Variants in GALNTL6 observed in about 807,000 individuals in gnomAD.
The protein encoded by GALNTL6 is polypeptide N-acetylgalactosaminyltransferase like 6, also known as polypeptide N-acetylgalactosaminyltransferase-like 6.
Under a neutral mutation model 73.7 loss-of-function variants are expected in GALNTL6, and 46 were observed. That is an observed-to-expected ratio of 0.62 (90% CI 0.49 to 0.80). The LOEUF is 0.80. Ranked by LOEUF, GALNTL6 falls within the 30% of genes least tolerant of loss-of-function variation. The pLI, the probability that GALNTL6 is intolerant of heterozygous loss-of-function variation, is 0.00. For missense variants in GALNTL6, 604 were observed against 755.0 expected (o/e 0.80, Z 2.34); for synonymous variants, 259 against 263.7 (o/e 0.98, Z 0.17).
chr4:172,520,135 C>G (rs1183871730), intron 5 of GALNTL6, among the ~76,000 whole-genome samples: 1 of 151,790 alleles, frequency 6.6e-6, no homozygotes, highest in Admixed American at 6.6e-5. Flanking sequence ...TGTACAACAA[C>G]CCACTGTGGC....
chr4:172,105,095 A>T (rs1266189629), intron 2 of GALNTL6, among the ~76,000 whole-genome samples: 1 of 152,192 alleles, frequency 6.6e-6, no homozygotes, highest in Non-Finnish European at 1.5e-5. Flanking sequence ...CAAAGGGAAA[A>T]AAAAGAAGAA....
At chr4:172,616,920 C>T (rs192606676) in intron 5 of GALNTL6, among the ~76,000 whole-genome samples, 6 of 152,258 alleles carry the variant, frequency 3.9e-5, no homozygotes, top group Admixed American at 2.6e-4. Context: ...AGCTATTCCC[C>T]TTTCCAAGAG....
At chr4:172,009,242 T>C (rs1740929457) in intron 2 of GALNTL6, among the ~76,000 whole-genome samples, 1 of 152,082 alleles carries the variant, frequency 6.6e-6, no homozygotes, top group South Asian at 2.1e-4. Flanking sequence ...TTTGCCTCGC[T>C]GGTGAGGGTA....
chr4:172,277,370 C>T (rs1738871294), intron 3 of GALNTL6, among the ~76,000 whole-genome samples: 2 of 152,216 alleles, frequency 1.3e-5, no homozygotes, highest in East Asian at 3.9e-4. Flanking sequence ...GCTGTCTTAA[C>T]ACTGGGTCTG....
intron 5 of GALNTL6, among the ~76,000 whole-genome samples, chr4:172,771,903 C>A (rs558299796): frequency 6.6e-6 from 1 of 151,788 alleles, no homozygotes; most frequent in South Asian, 2.1e-4. Context: ...TCGGAACATT[C>A]AATACAATTT....
At chr4:172,838,971 A>G (rs1743059891) in intron 7 of GALNTL6, among the ~76,000 whole-genome samples, 1 of 152,204 alleles carries the variant, frequency 6.6e-6, no homozygotes, top group Non-Finnish European at 1.5e-5. Context: ...GGGAAGGTGA[A>G]CTAATTTAGA....
intron 2 of GALNTL6, among the ~76,000 whole-genome samples, chr4:172,030,798 A>G (rs1292172147): frequency 1.3e-5 from 2 of 148,742 alleles, no homozygotes; most frequent in Non-Finnish European, 2.9e-5. Flanking sequence ...CGTATTTCAC[A>G]CACATACATA....
chr4:172,189,590 C>A (rs1735512265), intron 2 of GALNTL6, among the ~76,000 whole-genome samples: 1 of 152,070 alleles, frequency 6.6e-6, no homozygotes, highest in Admixed American at 6.6e-5. Flanking sequence ...CTGCTGAAAG[C>A]TTTGCAGACT....
chr4:172,173,169 C>G (rs926579949), intron 2 of GALNTL6, among the ~76,000 whole-genome samples: 2 of 152,176 alleles, frequency 1.3e-5, no homozygotes, highest in African/African-American at 4.8e-5. Flanking sequence ...AAAACTGAAA[C>G]TTTCCAAAAC....
At chr4:172,101,115 T>C (rs1162178214) in intron 2 of GALNTL6, among the ~76,000 whole-genome samples, 1 of 152,174 alleles carries the variant, frequency 6.6e-6, no homozygotes, top group Non-Finnish European at 1.5e-5. Flanking sequence ...ATTGGGCTTA[T>C]GAACTCCTCA....
intron 3 of GALNTL6, among the ~76,000 whole-genome samples, chr4:172,298,966 G>A (rs1739796448): frequency 6.6e-6 from 1 of 152,182 alleles, no homozygotes; most frequent in Admixed American, 6.5e-5. Context: ...TTGTATCTCT[G>A]GTAGAATTTG....
rs117423901 is a variant in GALNTL6, at chr4:171,974,806, G to A, written c.138+160088G>A. Among the ~76,000 whole-genome samples, 484 of 152,096 alleles carry A rather than the reference G, an allele frequency of 3.2e-3. 3 individuals are homozygous for A. The highest frequency in any genetic ancestry group is 0.013 in the Admixed American group (193 of 15,272). On this transcript the variant is annotated intron_variant, in intron 2 of 12. Coordinates refer to ENST00000506823, the MANE Select transcript of GALNTL6 (RefSeq NM_001034845.3). ...AGCCTAATGAAAGAATAAAAATTAC[G>A]TAATTTTTGCAATGATCATTCATTC...
At chr4:172,431,745 T>G (rs1042266953) in intron 5 of GALNTL6, among the ~76,000 whole-genome samples, 18 of 152,246 alleles carry the variant, frequency 1.2e-4, no homozygotes, top group Middle Eastern at 3.4e-3. Flanking sequence ...AATAACTGAT[T>G]AGTGTTTTTC....
intron 4 of GALNTL6, among the ~76,000 whole-genome samples, chr4:172,327,028 A>G (rs576607963): frequency 2.6e-5 from 4 of 152,198 alleles, no homozygotes; most frequent in Admixed American, 2.0e-4. Flanking sequence ...GCCTAAAAAT[A>G]TAATACTATC....
rs575604941 is a variant in GALNTL6 at position 172,597,600 on chromosome 4, G to A, written c.554-211761G>A. Among the ~76,000 whole-genome samples, 10 of 152,248 alleles carry A rather than the reference G, an allele frequency of 6.6e-5. No homozygotes were observed. In the South Asian group the frequency reaches 1.0e-3, roughly 16 times the overall value. ...GAGTTTTCTAAGAAGTGAAATTCTA[G>A]TCAGGTAGGATTTGATAATCTAAAT... On this transcript the variant is annotated intron_variant, in intron 5 of 12. Coordinates refer to ENST00000506823, the MANE Select transcript of GALNTL6 (RefSeq NM_001034845.3).
intron 5 of GALNTL6, among the ~76,000 whole-genome samples, chr4:172,503,143 G>A (rs2110782097): frequency 6.6e-6 from 1 of 152,062 alleles, no homozygotes; most frequent in African/African-American, 2.4e-5. Context: ...GTGTGGGAAG[G>A]GTTGGTCAAA....
At chr4:172,984,899 A>T (rs1751226364) in intron 10 of GALNTL6, among the ~76,000 whole-genome samples, 1 of 152,202 alleles carries the variant, frequency 6.6e-6, no homozygotes, top group Admixed American at 6.5e-5. Context: ...TTTATGCAAC[A>T]GTGGATACTA....
intron 5 of GALNTL6, among the ~76,000 whole-genome samples, chr4:172,796,710 A>G (rs1430092346): frequency 6.6e-6 from 1 of 152,194 alleles, no homozygotes; most frequent in Non-Finnish European, 1.5e-5. Context: ...TAGCAGGTCA[A>G]TTTTATCAAC....
intron 5 of GALNTL6, among the ~76,000 whole-genome samples, chr4:172,784,645 GA>G (rs1385811703): frequency 2.6e-5 from 4 of 152,110 alleles, no homozygotes; most frequent in African/African-American, 9.7e-5. Flanking sequence ...TAGGATGAAT[GA>G]AGGGAACTTA....
Sources: gnomAD v4.1 joint callset for allele counts (sites outside exome capture counted in the v4.1 genomes callset) on GRCh38, gnomAD v4.1.1 for gene constraint, MANE v1.5 for transcripts, NCBI Gene and HGNC (gene_info 2026-07-23, HGNC 2026-07-21) for gene names.